The following GTF3C3 variants were observed in gnomAD, a reference collection of about 807,000 sequenced individuals.
GTF3C3 encodes general transcription factor IIIC subunit 3.
GTF3C3 carries 75 observed loss-of-function variants against 105.2 expected under a neutral mutation model. That is an observed-to-expected ratio of 0.71 (90% CI 0.59 to 0.86). GTF3C3 has a LOEUF of 0.86. Among genes scored for constraint, GTF3C3 ranks in the 40% least tolerant of loss-of-function variants. The pLI, the probability that GTF3C3 is intolerant of heterozygous loss-of-function variation, is 0.00. For synonymous variants in GTF3C3, 335 were observed against 370.4 expected, an observed-to-expected ratio of 0.90 and a Z score of 1.10; for missense variants, 856 against 1,076.5, an observed-to-expected ratio of 0.80 and a Z score of 2.87.
rs767085773 is a variant in GTF3C3 at position 196,776,563 on chromosome 2, G to A, written c.1457C>T (p.Ala486Val). The A allele has an allele frequency of 3.7e-6, 6 of 1,613,964 alleles. No homozygotes were observed. Among genetic ancestry groups the A allele is most frequent in the Non-Finnish European group, 5.1e-6 (6 of 1,179,972 alleles). Reference sequence around the variant, plus strand: ...AATCCTTGCATCCAAATGGAGTGGGGCCAGATCAACCACCTTGCCATAGCT... The same window carrying A: ...AATCCTTGCATCCAAATGGAGTGGGACCAGATCAACCACCTTGCCATAGCT... The part of the protein sequence containing the change: ...AESYGKVVDL[A>V]PLHLDARISL... Residue 486 changes from alanine (A) to valine (V), a missense_variant, in exon 11 of 18, where the codon GCC becomes GTC. Coordinates refer to ENST00000263956, the MANE Select transcript of GTF3C3 (RefSeq NM_012086.5). This position sits in a 1 kb window ranked among gnomAD's most constrained non-coding sequence, Gnocchi z 4.5.
At chr2:196,796,272 T>A (rs1236965417) in intron 2 of GTF3C3, among the ~76,000 whole-genome samples, 3 of 152,190 alleles carry the variant, frequency 2.0e-5, no homozygotes, top group Non-Finnish European at 4.4e-5. Context: ...AGCCAGCCAG[T>A]CCTTGTGGGC....
chr2:196,790,410 A>C (rs575564235), intron 4 of GTF3C3, among the ~76,000 whole-genome samples: 39 of 152,326 alleles, frequency 2.6e-4, no homozygotes, highest in African/African-American at 8.2e-4. Flanking sequence ...AACACCAGCC[A>C]CATCAGTGGG....
intron 15 of GTF3C3, among the ~76,000 whole-genome samples, chr2:196,770,838 T>C (rs773893740): frequency 6.6e-6 from 1 of 152,124 alleles, no homozygotes; most frequent in Non-Finnish European, 1.5e-5. Context: ...TATAGGAAAA[T>C]AAAATATTTT....
chr2:196,766,905 A>C, intron 16 of GTF3C3, 188 bp from the exon 17 acceptor site: 1 of 389,112 alleles, frequency 2.6e-6, no homozygotes, highest in East Asian at 3.7e-5. Flanking sequence ...AAGATGTAAG[A>C]ATTTTTTTTA....
chr2:196,771,894 A>C lies in GTF3C3; in HGVS notation c.2114T>G (p.Ile705Ser). The C allele has an allele frequency of 6.2e-7, 1 of 1,613,638 alleles. No homozygotes were observed. The highest frequency in any genetic ancestry group is 8.5e-7 in the Non-Finnish European group (1 of 1,179,500). The change falls in exon 15 of 18, where the codon ATT becomes AGT. Residue 705 changes from isoleucine to serine, a missense_variant. This residue lies in a region of GTF3C3 where 605 missense variants were observed against 833.6 expected (regional missense o/e 0.73). Transcript: ENST00000263956. ...ENVNKPQLWN[I>S]FNQVTMHSQD... ...GGAGTGCATGGTAACTTGATTGAAAATGTTCCAGAGCTGGGGTTTATTGAC... is the reference window on the plus strand; with the variant it reads ...GGAGTGCATGGTAACTTGATTGAAACTGTTCCAGAGCTGGGGTTTATTGAC...
chr2:196,794,138 C>A (rs1699598230), intron 2 of GTF3C3, among the ~76,000 whole-genome samples: 1 of 152,122 alleles, frequency 6.6e-6, no homozygotes, highest in Non-Finnish European at 1.5e-5. Context: ...CCTGAGCTAG[C>A]ATGCTCAGCT....
At chr2:196,766,172 T>C (rs1699063985) in intron 17 of GTF3C3, among the ~76,000 whole-genome samples, 1 of 152,166 alleles carries the variant, frequency 6.6e-6, no homozygotes, top group South Asian at 2.1e-4. Flanking sequence ...ATCATAGTAT[T>C]GGCAACACTT....
At chr2:196,766,000 ACT>A (rs1491581402) in intron 17 of GTF3C3, among the ~76,000 whole-genome samples, 4 of 115,834 alleles carry the variant, frequency 3.5e-5, no homozygotes, top group Admixed American at 1.3e-4. Flanking sequence ...ACAGAGCAAG[ACT>A]CTGTCTCCAA....
intron 14 of GTF3C3, 107 bp from the exon 15 acceptor site, chr2:196,772,045 C>A: frequency 2.9e-6 from 2 of 695,628 alleles, no homozygotes; most frequent in East Asian, 2.6e-5. Flanking sequence ...ATGTACCATC[C>A]TCCAACAAGG....
chr2:196,764,535 C>A lies in GTF3C3; in HGVS notation c.*28G>T. On this transcript the variant is annotated 3_prime_UTR_variant, in exon 18 of 18. Transcript: ENST00000263956. ...GACACTGGTCCTCACACAGCAGCTGCCATTGCTCTGTTCTCAGTTGCGGTG... is the reference window on the plus strand; with the variant it reads ...GACACTGGTCCTCACACAGCAGCTGACATTGCTCTGTTCTCAGTTGCGGTG... The A allele has an allele frequency of 6.2e-7, 1 of 1,602,554 alleles. No individual in the cohort carries two copies. The highest frequency in any genetic ancestry group is 8.5e-7 in the Non-Finnish European group (1 of 1,172,796).
At chr2:196,788,530 T>A (rs2125749114) in intron 6 of GTF3C3, among the ~76,000 whole-genome samples, 1 of 152,184 alleles carries the variant, frequency 6.6e-6, no homozygotes, top group South Asian at 2.1e-4. Context: ...CAAGATAAAA[T>A]AATAGAAGAT....
chr2:196,770,998 T>A (rs927455929), intron 15 of GTF3C3, among the ~76,000 whole-genome samples: 79 of 152,168 alleles, frequency 5.2e-4, no homozygotes, highest in African/African-American at 1.9e-3. Context: ...AAACCATAGT[T>A]TACTCATAAG....
At chr2:196,790,384 C>A (rs1699526494) in intron 4 of GTF3C3, among the ~76,000 whole-genome samples, 1 of 152,152 alleles carries the variant, frequency 6.6e-6, no homozygotes, top group Non-Finnish European at 1.5e-5. Context: ...TCAATATCAG[C>A]AAGTTCATCC....
At chr2:196,774,234 C>T (rs1002666657) in intron 13 of GTF3C3, among the ~76,000 whole-genome samples, 1 of 152,266 alleles carries the variant, frequency 6.6e-6, no homozygotes, top group African/African-American at 2.4e-5. Flanking sequence ...ATGGACAAAT[C>T]TGTATGTATG....
rs1252734468 is a variant in GTF3C3, at chr2:196,789,387, C to A, written c.728-18G>T. 2 of 1,556,754 alleles carry A rather than the reference C, an allele frequency of 1.3e-6. No homozygotes were observed. Among genetic ancestry groups the A allele is most frequent in the Admixed American group, 3.9e-5 (2 of 51,848 alleles). On this transcript the variant is annotated intron_variant, in intron 5 of 17. Transcript: ENST00000263956. ...TTTAAGAGCTAAAAAGAAAGAAATACAAATTATTTACCACAAAAAGGGGTG... is the reference window on the plus strand; with the variant it reads ...TTTAAGAGCTAAAAAGAAAGAAATAAAAATTATTTACCACAAAAAGGGGTG...
intron 10 of GTF3C3, 183 bp downstream of exon 10, chr2:196,778,713 T>C (rs1244845750): frequency 6.6e-6 from 4 of 605,142 alleles, no homozygotes; most frequent in Non-Finnish European, 1.2e-5. Context: ...AAATCATTCC[T>C]CCAAAGCATT....
rs769914255 is a variant in GTF3C3 at position 196,781,342 on chromosome 2, GAA to G, written c.1115-682_1115-681del. On this transcript the variant is annotated intron_variant, in intron 8 of 17. Coordinates refer to ENST00000263956, the MANE Select transcript of GTF3C3 (RefSeq NM_012086.5). ...AACTGCAGATCAAAAATGTTAAGGG[GAA>G]AAAAAAAAAAAAAATATATATATAT... Among the ~76,000 whole-genome samples, 282 of 31,428 alleles carry G rather than the reference GAA, an allele frequency of 9.0e-3. 5 individuals carry two copies. Among genetic ancestry groups the G allele is most frequent in the Non-Finnish European group, 0.011 (194 of 18,160 alleles). The allele number at this position is 31,428 out of a possible 152,430, so 20.6% of individuals were successfully genotyped here. A position where few individuals can be genotyped will look rare whatever the true frequency, so the allele number is the denominator to read the frequency against.
chr2:196,776,013 TA>T lies in GTF3C3; in HGVS notation c.1691del (p.Leu564Ter). On this transcript the variant is annotated frameshift_variant, in exon 12 of 18. Coordinates refer to ENST00000263956, the MANE Select transcript of GTF3C3 (RefSeq NM_012086.5). LOFTEE classifies it high-confidence loss of function. The surrounding 1 kb of genome is among the most constrained non-coding windows in gnomAD (Gnocchi z 4.5). ...ATAAAGAAAGATCATTACCCACCTT[TA>T]AAAGCATGGCTAACATAGTAAGTAA... ...DTLLTMLAML[L>X]KVAMNRAQVC... is the part of the protein sequence containing the mutation. 2 of 1,506,540 alleles carry T rather than the reference TA, an allele frequency of 1.3e-6. No individual in the cohort carries two copies. The highest frequency in any genetic ancestry group is 1.8e-6 in the Non-Finnish European group (2 of 1,102,798). The allele number at this position is 1,506,540 out of a possible 1,614,324, so 93.3% of individuals were successfully genotyped here.
At chr2:196,773,938 G>GCAGGCCAC (rs1279768428) in intron 13 of GTF3C3, among the ~76,000 whole-genome samples, 17 of 152,330 alleles carry the variant, frequency 1.1e-4, no homozygotes, top group Admixed American at 7.8e-4. Context: ...CCAGTCCCTA[G>GCAGGCCAC]CAGGCCACGG....
Sources: gnomAD v4.1 joint callset for allele counts (sites outside exome capture counted in the v4.1 genomes callset) on GRCh38, gnomAD v4.1.1 for gene constraint, gnomAD v4.1.1 regional missense constraint, Gnocchi (gnomAD v3.1) non-coding constraint, MANE v1.5 for transcripts, NCBI Gene and HGNC (gene_info 2026-07-23, HGNC 2026-07-21) for gene names.